The following RUSC2 variants were observed in gnomAD, a reference collection of about 807,000 sequenced individuals.
RUSC2 encodes RUN and SH3 domain containing 2.
Under a neutral mutation model 122.2 loss-of-function variants are expected in RUSC2, and 34 were observed. The observed-to-expected ratio is 0.28, with a 90% CI of 0.21 to 0.37. The LOEUF (loss-of-function observed/expected upper bound fraction) is 0.37, where lower values mean the gene tolerates loss of function less well. RUSC2 is among the 10% of genes least tolerant of loss of function. RUSC2 has a pLI of 1.00. For missense variants in RUSC2, 1,747 were observed against 1,952.4 expected (o/e 0.89, Z 1.98); for synonymous variants, 784 against 790.0 (o/e 0.99, Z 0.13).
intron 1 of RUSC2, among the ~76,000 whole-genome samples, chr9:35,496,708 A>G (rs1820721432): frequency 6.6e-6 from 1 of 152,196 alleles, no homozygotes; most frequent in African/African-American, 2.4e-5. Context: ...CTAGAGATCT[A>G]CATATCTTAG....
At chr9:35,522,321 T>C (rs7047617) in intron 1 of RUSC2, among the ~76,000 whole-genome samples, 103,436 of 152,164 alleles carry the variant, frequency 0.68, 35,387 homozygotes, top group Admixed American at 0.73. Flanking sequence ...CCCAACAAAC[T>C]ATGGTCAGTT....
intron 1 of RUSC2, among the ~76,000 whole-genome samples, chr9:35,542,185 G>A (rs1821654800): frequency 6.6e-6 from 1 of 152,100 alleles, no homozygotes. Flanking sequence ...TGGTTGTGTG[G>A]AGATCAGAAA....
At chr9:35,528,978 T>G (rs959942627) in intron 1 of RUSC2, among the ~76,000 whole-genome samples, 2 of 152,118 alleles carry the variant, frequency 1.3e-5, no homozygotes, top group African/African-American at 2.4e-5. Context: ...AAAAAATAAA[T>G]AAATTAGCTT....
Position 35,555,618 on chromosome 9 carries a change from G to T in RUSC2, c.2573G>T (p.Gly858Val). The part of the protein sequence containing the change: ...LHGTGSLPPL[G>V]SWRSGLSRAE... ...GGAACAGGAAGCTTGCCGCCTCTGG[G>T]CTCCTGGCGATCTGGCCTCAGCCGA... The change falls in exon 3 of 12, where the codon GGC becomes GTC. Residue 858 changes from glycine (G) to valine (V), a missense_variant. By Grantham distance (109) the Gly-to-Val change is moderately radical. Coordinates refer to ENST00000361226, the MANE Select transcript of RUSC2 (RefSeq NM_014806.5). This position sits in a 1 kb window ranked among gnomAD's most constrained non-coding sequence, Gnocchi z 4.6. 1 of 1,612,870 alleles carries T rather than the reference G, an allele frequency of 6.2e-7. No homozygotes were observed.
chr9:35,538,964 CA>C (rs1201107974), intron 1 of RUSC2: 1 of 152,274 alleles, frequency 6.6e-6, no homozygotes, highest in East Asian at 1.9e-4. Flanking sequence ...ATTGTATTAG[CA>C]GAAATCAGAT....
intron 1 of RUSC2, among the ~76,000 whole-genome samples, chr9:35,495,723 G>C (rs901725847): frequency 6.6e-6 from 1 of 152,114 alleles, no homozygotes; most frequent in Admixed American, 6.6e-5. Flanking sequence ...TTGGGATTTT[G>C]ATAGGGATTG....
At chr9:35,534,924 G>A (rs1159738898) in intron 1 of RUSC2, among the ~76,000 whole-genome samples, 1 of 151,674 alleles carries the variant, frequency 6.6e-6, no homozygotes, top group Non-Finnish European at 1.5e-5. Flanking sequence ...TGACTATCTT[G>A]ATTGTGTCCT....
chr9:35,557,090 G>A lies in RUSC2; in HGVS notation c.2983+642G>A, dbSNP rs16932494. Among the ~76,000 whole-genome samples, 1 of 152,152 alleles carries A rather than the reference G, an allele frequency of 6.6e-6. No homozygotes were observed. Among genetic ancestry groups the A allele is most frequent in the African/African-American group, 2.4e-5 (1 of 41,422 alleles). On this transcript the variant is annotated intron_variant, in intron 5 of 11. Coordinates refer to ENST00000361226, the MANE Select transcript of RUSC2 (RefSeq NM_014806.5). The surrounding 1 kb of genome is among the most constrained non-coding windows in gnomAD (Gnocchi z 4.6). ...GGTACTAGAGGGCCCAGCAGCTTGG[G>A]TAAGAGTGTTGGTGACATCTAGTAA... is the stretch of plus-strand genomic sequence containing the variant.
Position 35,546,415 on chromosome 9 carries a change from T to C in RUSC2, c.-92-15T>C. 1.2e-6 allele frequency: 1 copy of C among 835,298 alleles called. No individual in the cohort carries two copies. Among genetic ancestry groups the C allele is most frequent in the Non-Finnish European group, 1.7e-6 (1 of 600,964 alleles). The allele number at this position is 835,298 out of a possible 1,614,324, so 51.7% of individuals were successfully genotyped here. The stretch of plus-strand genomic sequence containing the variant: ...GAGGTGACATTAGGTTCCCTTTCTT[T>C]CCCTCTCTCTCCAGGTGCCAAGCTC... On this transcript the variant is annotated splice_polypyrimidine_tract_variant and intron_variant, in intron 1 of 11. Coordinates refer to ENST00000361226, the MANE Select transcript of RUSC2 (RefSeq NM_014806.5). This position sits in a 1 kb window ranked among gnomAD's most constrained non-coding sequence, Gnocchi z 4.3.
In RUSC2 at chr9:35,556,435, G is replaced by C. The variant is rs777597482; in HGVS notation, c.2970G>C (p.Leu990=). The part of the protein sequence containing the change: ...DGSSEAISID[L]LQKKGLVKAV... ...GCTCAGAGGCCATTTCCATTGACCT[G>C]CTTCAGAAAAAAGGTGCATACAACC... is the stretch of plus-strand genomic sequence containing the variant. Residue 990 remains leucine (L), a synonymous_variant, in exon 5 of 12, where the codon CTG becomes CTC. Coordinates refer to ENST00000361226, the MANE Select transcript of RUSC2 (RefSeq NM_014806.5). 1.1e-5 allele frequency: 17 copies of C among 1,613,526 alleles called. No homozygotes were observed. The highest frequency in any genetic ancestry group is 5.9e-6 in the Non-Finnish European group (7 of 1,179,852).
At chr9:35,527,846 G>C (rs1359266113) in intron 1 of RUSC2, among the ~76,000 whole-genome samples, 1 of 152,228 alleles carries the variant, frequency 6.6e-6, no homozygotes, top group Non-Finnish European at 1.5e-5. Context: ...CATGGATCAT[G>C]ATGAACTTCC....
At chr9:35,542,911 C>A (rs758538760) in intron 1 of RUSC2, among the ~76,000 whole-genome samples, 1 of 152,126 alleles carries the variant, frequency 6.6e-6, no homozygotes, top group Non-Finnish European at 1.5e-5. Context: ...ATCATACATT[C>A]TTTTATGTGA....
At chr9:35,532,760 A>G (rs1010713558) in intron 1 of RUSC2, among the ~76,000 whole-genome samples, 5 of 152,166 alleles carry the variant, frequency 3.3e-5, no homozygotes, top group Non-Finnish European at 7.4e-5. Flanking sequence ...TCAAAAAAAA[A>G]AGCCAAAGGG....
Position 35,555,733 on chromosome 9 carries a change from GCCACCTCACGCAAGCACTTCCA to G in RUSC2, c.2656+40_2656+61del, listed in dbSNP as rs759425422. On this transcript the variant is annotated intron_variant, in intron 3 of 11. Coordinates refer to ENST00000361226, the MANE Select transcript of RUSC2 (RefSeq NM_014806.5). This position sits in a 1 kb window ranked among gnomAD's most constrained non-coding sequence, Gnocchi z 4.6. ...GCTCCAGCATCTCCCTACCCAACCC[GCCACCTCACGCAAGCACTTCCA>G]CCACCTCCCCTTTGAGTGGTTGCTT... is the stretch of plus-strand genomic sequence containing the variant. 10 of 1,561,478 alleles carry G rather than the reference GCCACCTCACGCAAGCACTTCCA, an allele frequency of 6.4e-6. No homozygotes were observed. The highest frequency in any genetic ancestry group is 6.9e-6 in the Non-Finnish European group (8 of 1,166,520).
At chr9:35,536,246 T>C (rs999841926) in intron 1 of RUSC2, among the ~76,000 whole-genome samples, 1 of 152,360 alleles carries the variant, frequency 6.6e-6, no homozygotes, top group African/African-American at 2.4e-5. Context: ...AATCCAATAT[T>C]GATCCCCGTT....
intron 1 of RUSC2, among the ~76,000 whole-genome samples, chr9:35,519,547 A>T (rs1476213010): frequency 1.3e-5 from 2 of 152,204 alleles, no homozygotes; most frequent in Non-Finnish European, 2.9e-5. Flanking sequence ...CTAGAGTATG[A>T]TGGCCACAGA....
intron 2 of RUSC2, among the ~76,000 whole-genome samples, chr9:35,554,614 A>G (rs1821968812): frequency 6.6e-6 from 1 of 152,246 alleles, no homozygotes; most frequent in Admixed American, 6.5e-5. Flanking sequence ...GGAAAAAAGG[A>G]GAAAGGTGAT....
intron 1 of RUSC2, among the ~76,000 whole-genome samples, chr9:35,516,684 G>A (rs907356089): frequency 4.6e-5 from 7 of 152,260 alleles, no homozygotes; most frequent in Admixed American, 2.0e-4. Context: ...TCTGAGAACC[G>A]TGTCAGCCCT....
At chr9:35,493,893 G>C (rs1216855809) in intron 1 of RUSC2, among the ~76,000 whole-genome samples, 1 of 152,112 alleles carries the variant, frequency 6.6e-6, no homozygotes, top group African/African-American at 2.4e-5. Flanking sequence ...TACTTTGGTT[G>C]CATCTATCTT....
Sources: gnomAD v4.1 joint callset for allele counts (sites outside exome capture counted in the v4.1 genomes callset) on GRCh38, gnomAD v4.1.1 for gene constraint, Gnocchi (gnomAD v3.1) non-coding constraint, MANE v1.5 for transcripts, NCBI Gene and HGNC (gene_info 2026-07-23, HGNC 2026-07-21) for gene names.